IQCK: variants seen among roughly 807,000 people sequenced by gnomAD.
IQCK encodes IQ motif containing K, also known as IQ domain-containing protein K.
A neutral mutation model predicts 28.1 loss-of-function variants in IQCK; 29 were observed. The ratio of observed to expected loss-of-function variants is 1.03; its 90% confidence interval spans 0.77 to 1.41. The LOEUF is 1.41. IQCK is among the 40% of genes most tolerant of loss of function. IQCK has a pLI of 0.00. For missense variants in IQCK, 359 were observed against 314.7 expected (o/e 1.14, Z -1.07); for synonymous variants, 113 against 115.1 (o/e 0.98, Z 0.12).
exon 10 of IQCK, chr16:19,856,714 C>T: frequency 1.7e-6 from 1 of 595,366 alleles, no homozygotes; most frequent in Non-Finnish European, 2.9e-6. Context: ...AGCTTTAATG[C>T]AAATAGTTTA....
chr16:19,827,736 A>C (rs1446121342), downstream of IQCK, among the ~76,000 whole-genome samples: 2 of 151,990 alleles, frequency 1.3e-5, no homozygotes, highest in Non-Finnish European at 2.9e-5. Context: ...GGTTGCATGG[A>C]CTCTGCCTGG....
intron 9 of IQCK, among the ~76,000 whole-genome samples, chr16:19,839,540 A>G (rs572107323): frequency 6.6e-6 from 1 of 152,254 alleles, no homozygotes; most frequent in Non-Finnish European, 1.5e-5. Flanking sequence ...GACAGCAGGG[A>G]CCTTTCTTTC....
chr16:19,770,331 A>G (rs971781747), intron 6 of IQCK, among the ~76,000 whole-genome samples: 3 of 152,088 alleles, frequency 2.0e-5, no homozygotes, highest in African/African-American at 7.2e-5. Flanking sequence ...TTTATTTTCT[A>G]TTGCTGCTGT....
At chr16:19,753,251 A>G (rs2055011035) in intron 4 of IQCK, among the ~76,000 whole-genome samples, 1 of 151,872 alleles carries the variant, frequency 6.6e-6, no homozygotes, top group Non-Finnish European at 1.5e-5. Flanking sequence ...TCTCTACAAA[A>G]AAAAAAAAAA....
In IQCK at chr16:19,756,911, A is replaced by G. The variant is rs563498014; in HGVS notation, c.475-6937A>G. The stretch of plus-strand genomic sequence containing the variant: ...GGCTCCATGTCAAAAAAAAAAAAAA[A>G]AAAGAAAGAGGCTCCAGACAGCTGC... On this transcript the variant is annotated intron_variant, in intron 4 of 7. Transcript: ENST00000564186. Among the ~76,000 whole-genome samples, 12 of 151,660 alleles carry G rather than the reference A, an allele frequency of 7.9e-5. No individual in the cohort carries two copies. The South Asian group carries it at 1.0e-3, about 13-fold the overall frequency.
At chr16:19,722,551 GA>G (rs1366915375) in intron 1 of IQCK, among the ~76,000 whole-genome samples, 1 of 152,032 alleles carries the variant, frequency 6.6e-6, no homozygotes, top group Non-Finnish European at 1.5e-5. Flanking sequence ...TCATTTCTCC[GA>G]ATAAATTGTT....
chr16:19,827,200 C>T (rs752460342), downstream of IQCK: 21 of 1,190,310 alleles, frequency 1.8e-5, no homozygotes, highest in Non-Finnish European at 2.5e-5. Flanking sequence ...ATTCCAGGCT[C>T]AAGAAGGAGG....
chr16:19,783,959 G>A lies in IQCK; in HGVS notation c.606-4879G>A, dbSNP rs1021148148. 3.3e-5 allele frequency among the ~76,000 whole-genome samples: 5 copies of A among 152,198 alleles called. 1 individual carries two copies. The South Asian group carries it at 8.3e-4, about 25-fold the overall frequency. Reference sequence around the variant, plus strand: ...AGTTCTGTTTTCCTGCTGCTGTTCCGAAACAGGAATACTGTTACTTTGAGG... The same window carrying A: ...AGTTCTGTTTTCCTGCTGCTGTTCCAAAACAGGAATACTGTTACTTTGAGG... On this transcript the variant is annotated intron_variant, in intron 6 of 7. Transcript: ENST00000564186.
At chr16:19,785,600 G>A (rs926010441) in intron 6 of IQCK, among the ~76,000 whole-genome samples, 20 of 152,278 alleles carry the variant, frequency 1.3e-4, no homozygotes, top group Middle Eastern at 3.4e-3. Flanking sequence ...GACTGATTGC[G>A]GGCCGAGTCT....
intron 7 of IQCK, among the ~76,000 whole-genome samples, chr16:19,805,772 G>A (rs910126794): frequency 6.6e-6 from 1 of 152,074 alleles, no homozygotes. Context: ...TAATTGACAC[G>A]AGGCCAGCCA....
In IQCK at chr16:19,811,653, A is replaced by G. The variant is rs141824043; in HGVS notation, c.691-15373A>G. On this transcript the variant is annotated intron_variant, in intron 7 of 7. Transcript: ENST00000564186. ...ATAGTGCCTTGCTGACTATACATTA[A>G]TGACCTGAGCAGTCCTTTTTGACTC... Among the ~76,000 whole-genome samples the G allele has an allele frequency of 2.5e-3, 385 of 152,328 alleles. 1 individual carries two copies. The highest frequency in any genetic ancestry group is 8.7e-3 in the African/African-American group (363 of 41,572).
At chr16:19,782,817 G>T (rs2055506300) in intron 6 of IQCK, among the ~76,000 whole-genome samples, 1 of 152,072 alleles carries the variant, frequency 6.6e-6, no homozygotes, top group Non-Finnish European at 1.5e-5. Context: ...TTCTTATTAT[G>T]TATTTTGTTA....
chr16:19,759,096 A>T (rs778808730), intron 4 of IQCK, among the ~76,000 whole-genome samples: 1 of 152,190 alleles, frequency 6.6e-6, no homozygotes, highest in Admixed American at 6.5e-5. Flanking sequence ...ACCTGTGTAC[A>T]TGAGTTTTTT....
rs570530152 is a variant in IQCK at position 19,775,866 on chromosome 16, C to CTTTTTTT, written c.605+11781_605+11787dup. ...CTAGCTGTTCTGTTCTGGGCACAGG[C>CTTTTTTT]TTTTTTTTTTTTTTTTTTTTTTTTT... On this transcript the variant is annotated intron_variant, in intron 6 of 7. Transcript: ENST00000564186. Among the ~76,000 whole-genome samples, 48 of 37,728 alleles carry CTTTTTTT rather than the reference C, an allele frequency of 1.3e-3. 7 individuals are homozygous for CTTTTTTT. The highest frequency in any genetic ancestry group is 5.2e-3 in the South Asian group (3 of 572). 24.8% of individuals were successfully genotyped at this position (37,728 alleles called of 152,430 possible).
chr16:19,719,972 C>T lies in IQCK; in HGVS notation c.181+1485C>T, dbSNP rs541587895. Among the ~76,000 whole-genome samples, 153 of 152,186 alleles carry T rather than the reference C, an allele frequency of 1.0e-3. 3 individuals carry two copies. Among genetic ancestry groups the T allele is most frequent in the South Asian group, 8.5e-3 (41 of 4,826 alleles). On this transcript the variant is annotated intron_variant, in intron 1 of 7. Transcript: ENST00000564186. The stretch of plus-strand genomic sequence containing the variant: ...ACAGGCCTGAGCCACCAGGCCCAGC[C>T]CAGACTTAATTTTAATAAATTTAAA...
intron 3 of IQCK, among the ~76,000 whole-genome samples, chr16:19,734,856 G>T (rs1325533683): frequency 6.6e-6 from 1 of 151,998 alleles, no homozygotes; most frequent in Non-Finnish European, 1.5e-5. Flanking sequence ...AAGCAGGGGT[G>T]TATACTGCAG....
downstream of IQCK, among the ~76,000 whole-genome samples, chr16:19,828,141 G>C (rs1346346244): frequency 6.6e-6 from 1 of 151,704 alleles, no homozygotes; most frequent in East Asian, 1.9e-4. Context: ...TTGAACTCCT[G>C]ACCTCAAGTG....
chr16:19,764,274 C>T (rs1357377159), intron 6 of IQCK, 162 bp downstream of exon 6: 8 of 589,200 alleles, frequency 1.4e-5, no homozygotes, highest in African/African-American at 3.7e-5. Context: ...CTAGGCTAAC[C>T]TTATCCTAAT....
chr16:19,836,966 A>G lies in IQCK; in HGVS notation c.802+9829A>G, dbSNP rs183095219. ...GTTTGTCTGGCAATACAATGGCAAT[A>G]CTAATACTAGTAACCAAGCCATAGA... On this transcript the variant is annotated intron_variant, in intron 9 of 9. Coordinates refer to the IQCK transcript ENST00000320394. Among the ~76,000 whole-genome samples the G allele has an allele frequency of 2.7e-3, 404 of 152,340 alleles. 2 individuals carry two copies. Among genetic ancestry groups the G allele is most frequent in the African/African-American group, 9.3e-3 (385 of 41,574 alleles).
Sources: allele counts gnomAD v4.1 joint callset (sites outside exome capture counted in the v4.1 genomes callset), GRCh38; gene constraint gnomAD v4.1.1; transcripts MANE v1.5; gene names NCBI Gene and HGNC (gene_info 2026-07-23, HGNC 2026-07-21).